The following CBL variants were observed in gnomAD, a reference collection of about 807,000 sequenced individuals.
The protein encoded by CBL is E3 ubiquitin-protein ligase CBL.
CBL carries 45 observed loss-of-function variants against 96.9 expected under a neutral mutation model. That is an observed-to-expected ratio of 0.46 (90% CI 0.37 to 0.60). CBL has a LOEUF of 0.60. Ranked by LOEUF, CBL falls within the 20% of genes least tolerant of loss-of-function variation. The pLI is 0.00. For synonymous variants in CBL, 420 were observed against 426.8 expected (o/e 0.98, Z 0.20); for missense variants, 1,024 against 1,143.5 (o/e 0.90, Z 1.51).
At chr11:119,279,558 G>A (rs369313131) in intron 9 of CBL, among the ~76,000 whole-genome samples, 1 of 152,066 alleles carries the variant, frequency 6.6e-6, no homozygotes, top group East Asian at 1.9e-4. Context: ...AGACTGAGAC[G>A]GGAGGATTGC....
chr11:119,234,834 G>A lies in CBL; in HGVS notation c.443+2139G>A, dbSNP rs1949530542. Among the ~76,000 whole-genome samples, 4 of 152,222 alleles carry A rather than the reference G, an allele frequency of 2.6e-5. No individual in the cohort carries two copies. The South Asian group carries it at 6.2e-4, about 24-fold the overall frequency. On this transcript the variant is annotated intron_variant, in intron 2 of 15. Transcript: ENST00000264033. ...TTGTCCAGTGGCATTAGAGAAGGTG[G>A]CATAGAGGACTTGTAATTTGAATTA...
At chr11:119,210,603 A>ATT (rs768564444) in intron 1 of CBL, among the ~76,000 whole-genome samples, 1,917 of 98,588 alleles carry the variant, frequency 0.019, 32 homozygotes, top group South Asian at 0.028. Flanking sequence ...TAATTTTTCA[A>ATT]TTTTTTTTTT....
intron 2 of CBL, among the ~76,000 whole-genome samples, chr11:119,250,821 C>T (rs909960846): frequency 3.1e-4 from 47 of 152,098 alleles, no homozygotes; most frequent in African/African-American, 1.0e-3. Flanking sequence ...TGTGGAGGTG[C>T]GCGCCTGTAA....
chr11:119,281,661 A>AT (rs996565077), intron 9 of CBL, among the ~76,000 whole-genome samples: 111 of 150,464 alleles, frequency 7.4e-4, no homozygotes, highest in African/African-American at 2.3e-3. Context: ...CGCCTGGCTA[A>AT]TTTTTTTTTG....
intron 2 of CBL, among the ~76,000 whole-genome samples, chr11:119,259,506 T>A (rs1173969744): frequency 6.6e-6 from 1 of 152,172 alleles, no homozygotes; most frequent in Non-Finnish European, 1.5e-5. Context: ...ACTAAATTTA[T>A]GTGAATTTAG....
At chr11:119,284,724 G>C (rs756004729) in intron 9 of CBL, among the ~76,000 whole-genome samples, 1 of 152,144 alleles carries the variant, frequency 6.6e-6, no homozygotes, top group Non-Finnish European at 1.5e-5. Context: ...TAGATTACCT[G>C]TAGCTTGCCA....
At chr11:119,211,040 C>T (rs1205182277) in intron 1 of CBL, among the ~76,000 whole-genome samples, 1 of 152,072 alleles carries the variant, frequency 6.6e-6, no homozygotes, top group Non-Finnish European at 1.5e-5. Context: ...TTACAAAATA[C>T]ACTGTAGTAA....
chr11:119,270,364 C>G lies in CBL; in HGVS notation c.444-1371C>G, dbSNP rs1268732950. 2.8e-5 allele frequency among the ~76,000 whole-genome samples: 4 copies of G among 141,460 alleles called. No homozygotes were observed. In the East Asian group the frequency reaches 8.1e-4, roughly 29 times the overall value. 92.8% of individuals were successfully genotyped at this position (141,460 alleles called of 152,430 possible). ...GGTTCAAGGGATTCTCCTGCCTCAG[C>G]TCTCCCAAGTAGCTGAGGTTACAGG... On this transcript the variant is annotated intron_variant, in intron 2 of 15. Coordinates refer to ENST00000264033, the MANE Select transcript of CBL (RefSeq NM_005188.4).
intron 2 of CBL, among the ~76,000 whole-genome samples, chr11:119,245,014 G>T (rs1949614956): frequency 6.6e-6 from 1 of 151,950 alleles, no homozygotes; most frequent in South Asian, 2.1e-4. Context: ...TGGGACTACA[G>T]GCACACACCA....
At chr11:119,256,334 TA>T (rs988096295) in intron 2 of CBL, among the ~76,000 whole-genome samples, 3 of 151,934 alleles carry the variant, frequency 2.0e-5, no homozygotes, top group African/African-American at 7.2e-5. Context: ...CATCCGCCGC[TA>T]CGCCCAGCTA....
chr11:119,241,393 A>C (rs538642827), intron 2 of CBL, among the ~76,000 whole-genome samples: 3 of 152,216 alleles, frequency 2.0e-5, no homozygotes, highest in Non-Finnish European at 2.9e-5. Flanking sequence ...AAGCTTTTCT[A>C]ATGTAATTCT....
At chr11:119,265,251 C>T (rs1477057057) in intron 2 of CBL, among the ~76,000 whole-genome samples, 2 of 152,090 alleles carry the variant, frequency 1.3e-5, no homozygotes, top group East Asian at 3.8e-4. Flanking sequence ...TTTTTTGAGT[C>T]TTTAAACCAT....
At chr11:119,297,725 C>T (rs1950074065) in intron 14 of CBL, among the ~76,000 whole-genome samples, 1 of 152,216 alleles carries the variant, frequency 6.6e-6, no homozygotes, top group Non-Finnish European at 1.5e-5. Flanking sequence ...GCTGAGATTA[C>T]AGGCGTGAGC....
chr11:119,254,436 C>T (rs1949695546), intron 2 of CBL, among the ~76,000 whole-genome samples: 1 of 152,086 alleles, frequency 6.6e-6, no homozygotes, highest in South Asian at 2.1e-4. Flanking sequence ...GATACAGCCG[C>T]CCACACACCT....
intron 9 of CBL, among the ~76,000 whole-genome samples, chr11:119,283,125 G>A (rs1156249828): frequency 1.3e-5 from 2 of 152,144 alleles, no homozygotes; most frequent in Non-Finnish European, 2.9e-5. Context: ...GGGTTGGTAA[G>A]TAGAATGAAA....
At chr11:119,296,273 A>G (rs1185494233) in intron 12 of CBL, among the ~76,000 whole-genome samples, 1 of 152,066 alleles carries the variant, frequency 6.6e-6, no homozygotes, top group Non-Finnish European at 1.5e-5. Flanking sequence ...CCCCCCTACA[A>G]TTTAGTGGGG....
At chr11:119,291,254 TG>T (rs1233786796) in intron 12 of CBL, among the ~76,000 whole-genome samples, 1 of 152,104 alleles carries the variant, frequency 6.6e-6, no homozygotes, top group East Asian at 1.9e-4. Flanking sequence ...CAGCCAACCA[TG>T]GTGGCACACG....
intron 2 of CBL, among the ~76,000 whole-genome samples, chr11:119,260,134 A>G (rs1324725836): frequency 6.6e-6 from 1 of 151,808 alleles, no homozygotes; most frequent in Non-Finnish European, 1.5e-5. Context: ...CAGCAAACCA[A>G]CTTCCTCTTT....
intron 2 of CBL, among the ~76,000 whole-genome samples, chr11:119,244,457 G>C (rs748623739): frequency 1.3e-5 from 2 of 150,122 alleles, no homozygotes; most frequent in Non-Finnish European, 3.0e-5. Context: ...TCACTCTGCC[G>C]TGCAGGCTGG....
Sources: allele counts gnomAD v4.1 joint callset (sites outside exome capture counted in the v4.1 genomes callset), GRCh38; gene constraint gnomAD v4.1.1; transcripts MANE v1.5; gene names NCBI Gene and HGNC (gene_info 2026-07-23, HGNC 2026-07-21).